SUPT3H: variants seen among roughly 807,000 people sequenced by gnomAD.
SUPT3H encodes SPT3 homolog, SAGA and STAGA complex component.
Under a neutral mutation model 44.3 loss-of-function variants are expected in SUPT3H, and 44 were observed. The observed-to-expected ratio is 0.99, with a 90% confidence interval of 0.78 to 1.28. The LOEUF (loss-of-function observed/expected upper bound fraction) is 1.28, where lower values mean the gene tolerates loss of function less well. Among genes scored for constraint, SUPT3H ranks in the 50% most tolerant of loss-of-function variants. SUPT3H has a pLI of 0.00. For missense variants in SUPT3H, 380 were observed against 387.1 expected, an observed-to-expected ratio of 0.98 and a Z score of 0.15; for synonymous variants, 124 against 125.6, an observed-to-expected ratio of 0.99 and a Z score of 0.09.
intron 3 of SUPT3H, among the ~76,000 whole-genome samples, chr6:45,077,398 G>A (rs905812475): frequency 9.2e-5 from 14 of 152,120 alleles, no homozygotes; most frequent in African/African-American, 3.4e-4. Flanking sequence ...AGGTTGAAGT[G>A]GGAGGATCGC....
intron 3 of SUPT3H, among the ~76,000 whole-genome samples, chr6:45,023,509 A>G (rs1218678632): frequency 6.6e-6 from 1 of 152,192 alleles, no homozygotes; most frequent in African/African-American, 2.4e-5. Context: ...TCACAATAAC[A>G]AGGACATGGA....
intron 10 of SUPT3H, among the ~76,000 whole-genome samples, chr6:44,911,402 T>C (rs1422783807): frequency 1.3e-5 from 2 of 152,184 alleles, no homozygotes; most frequent in Non-Finnish European, 2.9e-5. Flanking sequence ...GTCACTGTTA[T>C]TGACACAACT....
At chr6:45,371,978 C>T (rs2150312807) in intron 1 of SUPT3H, 1 of 851,932 alleles carries the variant, frequency 1.2e-6, no homozygotes, top group South Asian at 5.4e-5. Flanking sequence ...ACTGAGGTCC[C>T]CCGACACCTG....
chr6:44,814,167 G>A (rs1766744613), intron 11 of SUPT3H, among the ~76,000 whole-genome samples: 2 of 152,188 alleles, frequency 1.3e-5, no homozygotes, highest in African/African-American at 4.8e-5. Context: ...AAGGAAATAA[G>A]TCTGATGTGT....
intron 10 of SUPT3H, among the ~76,000 whole-genome samples, chr6:44,884,847 G>C (rs1778876352): frequency 2.0e-5 from 3 of 152,184 alleles, no homozygotes. Context: ...GGGTCAGGGA[G>C]TTCCCTTTCC....
intron 2 of SUPT3H, chr6:45,159,204 T>C (rs1050297261): frequency 3.9e-5 from 6 of 152,198 alleles, no homozygotes; most frequent in Admixed American, 3.9e-4. Context: ...GTACTTAACT[T>C]ACTGTCAATG....
intron 6 of SUPT3H, among the ~76,000 whole-genome samples, chr6:44,984,651 A>G (rs112982810): frequency 7.7e-4 from 117 of 152,274 alleles, no homozygotes; most frequent in African/African-American, 2.7e-3. Flanking sequence ...GCAACTCCCA[A>G]TGAAATAAAA....
At chr6:44,906,457 T>G (rs1197844796) in intron 10 of SUPT3H, among the ~76,000 whole-genome samples, 1 of 152,186 alleles carries the variant, frequency 6.6e-6, no homozygotes, top group African/African-American at 2.4e-5. Context: ...TATCTCAGTT[T>G]TCTTACCTAT....
chr6:45,074,182 T>C (rs1451244363), intron 3 of SUPT3H, among the ~76,000 whole-genome samples: 1 of 151,974 alleles, frequency 6.6e-6, no homozygotes, highest in Non-Finnish European at 1.5e-5. Context: ...AAAGCTCCAC[T>C]ATCTATCTAA....
At chr6:45,286,432 G>T (rs1779288010) in intron 2 of SUPT3H, among the ~76,000 whole-genome samples, 1 of 151,990 alleles carries the variant, frequency 6.6e-6, no homozygotes, top group South Asian at 2.1e-4. Flanking sequence ...GTGGGCAAAG[G>T]ATATGAACAG....
chr6:45,163,069 A>G (rs1809292413), intron 2 of SUPT3H, among the ~76,000 whole-genome samples: 1 of 152,184 alleles, frequency 6.6e-6, no homozygotes, highest in Non-Finnish European at 1.5e-5. Context: ...ATATATTGCA[A>G]GAGAAGTGGG....
At chr6:44,887,473 A>G (rs1762513620) in intron 10 of SUPT3H, among the ~76,000 whole-genome samples, 5 of 152,238 alleles carry the variant, frequency 3.3e-5, no homozygotes, top group African/African-American at 1.2e-4. Flanking sequence ...CTCACTCAAA[A>G]GTGCTCAAGT....
chr6:45,029,073 C>T (rs574297912), intron 3 of SUPT3H, among the ~76,000 whole-genome samples: 13 of 151,832 alleles, frequency 8.6e-5, no homozygotes, highest in Admixed American at 3.9e-4. Context: ...AGGTATTTGA[C>T]GTAGTATTTT....
At chr6:44,983,446 C>T (rs1336297855) in intron 6 of SUPT3H, among the ~76,000 whole-genome samples, 1 of 152,106 alleles carries the variant, frequency 6.6e-6, no homozygotes, top group East Asian at 1.9e-4. Flanking sequence ...TGTGAACATA[C>T]CTTTACATAT....
At chr6:45,114,848 A>G (rs1800607343) in intron 2 of SUPT3H, among the ~76,000 whole-genome samples, 1 of 152,188 alleles carries the variant, frequency 6.6e-6, no homozygotes, top group Non-Finnish European at 1.5e-5. Flanking sequence ...CCTTTCATTC[A>G]GTTTTAAACA....
intron 2 of SUPT3H, among the ~76,000 whole-genome samples, chr6:45,176,218 G>C (rs1342974855): frequency 1.3e-5 from 2 of 151,618 alleles, no homozygotes; most frequent in African/African-American, 2.4e-5. Context: ...GTGGGTGCGC[G>C]CACCGTGCGC....
intron 3 of SUPT3H, among the ~76,000 whole-genome samples, chr6:45,065,551 A>G (rs1487469443): frequency 1.3e-5 from 2 of 151,862 alleles, no homozygotes; most frequent in Admixed American, 1.3e-4. Flanking sequence ...AACAAAATTG[A>G]TAGACCACTA....
chr6:45,152,025 C>T (rs552469964), intron 2 of SUPT3H, among the ~76,000 whole-genome samples: 10 of 152,198 alleles, frequency 6.6e-5, no homozygotes, highest in African/African-American at 1.7e-4. Context: ...TTCTAGGTGA[C>T]CTCATCTAGT....
At chr6:45,259,306 A>G (rs551205701) in intron 2 of SUPT3H, among the ~76,000 whole-genome samples, 1 of 152,188 alleles carries the variant, frequency 6.6e-6, no homozygotes, top group Non-Finnish European at 1.5e-5. Flanking sequence ...CTGCCTTTAG[A>G]TAGAGGTTTA....
Sources: allele counts gnomAD v4.1 joint callset (sites outside exome capture counted in the v4.1 genomes callset), GRCh38; gene constraint gnomAD v4.1.1; transcripts MANE v1.5; gene names NCBI Gene and HGNC (gene_info 2026-07-23, HGNC 2026-07-21).